The following ABCB1 variants were observed in gnomAD, a reference collection of about 807,000 sequenced individuals.
The protein encoded by ABCB1 is ATP-dependent translocase ABCB1.
ABCB1 carries 69 observed loss-of-function variants against 142.0 expected under a neutral mutation model. The observed-to-expected ratio is 0.49, with a 90% CI of 0.40 to 0.59. The LOEUF is 0.59. Among genes scored for constraint, ABCB1 ranks in the 20% least tolerant of loss-of-function variants. The pLI is 0.00. For missense variants in ABCB1, 1,326 were observed against 1,554.7 expected, an observed-to-expected ratio of 0.85 and a Z score of 2.47; for synonymous variants, 532 against 539.2, an observed-to-expected ratio of 0.99 and a Z score of 0.18.
chr7:87,619,962 C>T (rs532568471), intron 1 of ABCB1, among the ~76,000 whole-genome samples: 62 of 152,086 alleles, frequency 4.1e-4, no homozygotes, highest in African/African-American at 1.4e-3. Context: ...GTCTTTTAAT[C>T]CTCTTAAAGA....
chr7:87,560,773 GT>G (rs1817530203), intron 8 of ABCB1, among the ~76,000 whole-genome samples: 1 of 152,146 alleles, frequency 6.6e-6, no homozygotes. Context: ...AAAGGGAACA[GT>G]TGTAAGCATA....
chr7:87,659,147 A>G (rs1470762661), intron 1 of ABCB1: 4 of 393,996 alleles, frequency 1.0e-5, no homozygotes, highest in African/African-American at 2.1e-5. Context: ...GGGCAATAGA[A>G]TGAGACCCTG....
At chr7:87,585,826 C>A (rs1302750793) in intron 3 of ABCB1, 146 bp from the exon 4 acceptor site, 17 of 773,660 alleles carry the variant, frequency 2.2e-5, no homozygotes. Flanking sequence ...TCTACCTTTG[C>A]TAAATTATTG....
At chr7:87,643,823 G>A (rs989807990) in intron 1 of ABCB1, among the ~76,000 whole-genome samples, 1 of 149,862 alleles carries the variant, frequency 6.7e-6, no homozygotes, top group Non-Finnish European at 1.5e-5. Context: ...CACCACGCCC[G>A]GCCAAGAATT....
At chr7:87,556,273 T>A (rs1817305930) in intron 8 of ABCB1, among the ~76,000 whole-genome samples, 1 of 152,210 alleles carries the variant, frequency 6.6e-6, no homozygotes, top group South Asian at 2.1e-4. Context: ...TAAGGAACAA[T>A]TTTGGTTAAG....
At chr7:87,549,763 A>G in intron 13 of ABCB1, 88 bp downstream of exon 13, 1 of 1,490,120 alleles carries the variant, frequency 6.7e-7, no homozygotes, top group Non-Finnish European at 9.3e-7. Context: ...CCTTCTTCCG[A>G]TTTATAGTAG....
At chr7:87,625,199 G>A (rs952731645) in intron 1 of ABCB1, among the ~76,000 whole-genome samples, 14 of 152,072 alleles carry the variant, frequency 9.2e-5, no homozygotes, top group Non-Finnish European at 2.1e-4. Flanking sequence ...GGAACTTGCA[G>A]TAAGCGGAGA....
At chr7:87,521,967 C>T (rs1815529586) in intron 21 of ABCB1, 2 of 807,348 alleles carry the variant, frequency 2.5e-6, no homozygotes, top group Non-Finnish European at 4.4e-6. Context: ...AATACCCATA[C>T]TGTGAATGGC....
intron 2 of ABCB1, 86 bp downstream of exon 2, chr7:87,600,031 G>T: frequency 8.0e-7 from 1 of 1,257,160 alleles, no homozygotes; most frequent in Non-Finnish European, 1.1e-6. Flanking sequence ...ACAACAACAT[G>T]TCATTTATTT....
At chr7:87,565,656 T>C (rs1221463897) in intron 7 of ABCB1, among the ~76,000 whole-genome samples, 1 of 151,714 alleles carries the variant, frequency 6.6e-6, no homozygotes, top group Non-Finnish European at 1.5e-5. Flanking sequence ...AAAATGTTAA[T>C]TGAATGGGAC....
intron 4 of ABCB1, 86 bp from the exon 5 acceptor site, chr7:87,570,309 C>A (rs770233078): frequency 5.6e-5 from 71 of 1,264,170 alleles, no homozygotes; most frequent in Non-Finnish European, 7.8e-5. Flanking sequence ...AAACTCATTT[C>A]ATTTAATGAT....
At position 87,600,161 on chromosome 7, in the gene ABCB1, A is replaced by AT; in HGVS notation, c.23dup (p.Asn8LysfsTer11). 3.1e-6 allele frequency: 5 copies of AT among 1,614,114 alleles called. No homozygotes were observed. The highest frequency in any genetic ancestry group is 4.2e-6 in the Non-Finnish European group (5 of 1,179,984). The stretch of plus-strand genomic sequence containing the variant: ...AAAAGTTCTTCTTCTTTGCTCCTCC[A>AT]TTGCGGTCCCCTTCAAGATCCATTC... On this transcript the variant is annotated frameshift_variant, in exon 2 of 28. Coordinates refer to ENST00000622132, the MANE Select transcript of ABCB1 (RefSeq NM_001348946.2). LOFTEE classifies it high-confidence loss of function.
chr7:87,556,570 A>G (rs951876287), intron 8 of ABCB1, among the ~76,000 whole-genome samples: 7 of 152,158 alleles, frequency 4.6e-5, no homozygotes, highest in Non-Finnish European at 8.8e-5. Flanking sequence ...CATCAATTCT[A>G]CTTTCAAGTT....
intron 1 of ABCB1, among the ~76,000 whole-genome samples, chr7:87,663,738 G>C (rs1012042762): frequency 6.6e-6 from 1 of 152,060 alleles, no homozygotes; most frequent in African/African-American, 2.4e-5. Context: ...ATACTGAGAG[G>C]CTTAAGTAAC....
At chr7:87,519,187 C>G in intron 23 of ABCB1, 139 bp downstream of exon 23, 2 of 811,342 alleles carry the variant, frequency 2.5e-6, no homozygotes, top group South Asian at 3.2e-5. Context: ...CACATGAAGA[C>G]TCAGAGGCAG....
chr7:87,691,235 T>C (rs1397623707), intron 1 of ABCB1, among the ~76,000 whole-genome samples: 2 of 152,178 alleles, frequency 1.3e-5, no homozygotes, highest in African/African-American at 4.8e-5. Context: ...ATGAATCAAT[T>C]ATTTGATATT....
intron 21 of ABCB1, chr7:87,521,948 T>A: frequency 2.5e-6 from 2 of 792,452 alleles, no homozygotes; most frequent in Non-Finnish European, 4.5e-6. Flanking sequence ...GGTAAGACTG[T>A]CACTGAGAAA....
At chr7:87,705,329 G>A (rs903286262) in intron 1 of ABCB1, among the ~76,000 whole-genome samples, 1 of 152,188 alleles carries the variant, frequency 6.6e-6, no homozygotes, top group Non-Finnish European at 1.5e-5. Flanking sequence ...GGGAGGCTGA[G>A]GCAGGAGAAT....
upstream of ABCB1, among the ~76,000 whole-genome samples, chr7:87,605,838 A>G (rs1441350138): frequency 6.6e-6 from 1 of 152,222 alleles, no homozygotes; most frequent in Non-Finnish European, 1.5e-5. Context: ...AAATTGTATT[A>G]TTTCCCAAAT....
Sources: allele counts gnomAD v4.1 joint callset (sites outside exome capture counted in the v4.1 genomes callset), GRCh38; gene constraint gnomAD v4.1.1; transcripts MANE v1.5; gene names NCBI Gene and HGNC (gene_info 2026-07-23, HGNC 2026-07-21).